MIPOL1: variants seen among roughly 807,000 people sequenced by gnomAD.
The protein encoded by MIPOL1 is mirror-image polydactyly gene 1 protein.
A neutral mutation model predicts 60.9 loss-of-function variants in MIPOL1; 57 were observed. That is an observed-to-expected ratio of 0.94 (90% CI 0.76 to 1.17). The LOEUF is 1.17. Ranked by LOEUF, MIPOL1 falls within the 50% of genes most tolerant of loss-of-function variation. MIPOL1 has a pLI of 0.00. For synonymous variants in MIPOL1, 179 were observed against 168.8 expected, an observed-to-expected ratio of 1.06 and a Z score of -0.47; for missense variants, 551 against 511.6, an observed-to-expected ratio of 1.08 and a Z score of -0.74.
chr14:37,223,286 GC>G (rs773518218), intron 1 of MIPOL1, among the ~76,000 whole-genome samples: 2 of 152,046 alleles, frequency 1.3e-5, no homozygotes, highest in East Asian at 3.9e-4. Context: ...ACCCACCTCG[GC>G]CTCCCAAAGT....
At chr14:37,360,341 A>G (rs1439191417) in intron 9 of MIPOL1, among the ~76,000 whole-genome samples, 1 of 152,108 alleles carries the variant, frequency 6.6e-6, no homozygotes, top group Non-Finnish European at 1.5e-5. Flanking sequence ...CATAAAATGA[A>G]TTAGGGAGGA....
At chr14:37,488,780 G>T (rs1019706048) in intron 11 of MIPOL1, among the ~76,000 whole-genome samples, 28 of 152,054 alleles carry the variant, frequency 1.8e-4, no homozygotes, top group African/African-American at 6.8e-4. Context: ...CTCTCTTCTG[G>T]CTTGTAGGTT....
At chr14:37,509,793 ATC>A (rs550442352) in intron 12 of MIPOL1, among the ~76,000 whole-genome samples, 2,394 of 150,618 alleles carry the variant, frequency 0.016, 65 homozygotes, top group African/African-American at 0.055. Flanking sequence ...ATGTATGTAT[ATC>A]TATCTACTTA....
intron 7 of MIPOL1, among the ~76,000 whole-genome samples, chr14:37,287,707 A>C (rs10147241): frequency 0.99 from 151,189 of 152,334 alleles, 75,038 homozygotes; most frequent in Middle Eastern, 1. Context: ...ATTTTCTAAA[A>C]GCTCTTCTAA....
chr14:37,363,046 G>A (rs1566436800), intron 9 of MIPOL1, among the ~76,000 whole-genome samples: 1 of 152,064 alleles, frequency 6.6e-6, no homozygotes, highest in Admixed American at 6.5e-5. Flanking sequence ...CCTTGCCATG[G>A]GTTAGAACAT....
At chr14:37,510,452 A>T (rs897081682) in intron 12 of MIPOL1, among the ~76,000 whole-genome samples, 42 of 151,996 alleles carry the variant, frequency 2.8e-4, no homozygotes, top group Non-Finnish European at 5.4e-4. Flanking sequence ...GCCAAGGCTG[A>T]TCGCAAACTC....
intron 5 of MIPOL1, 22 bp from the exon 6 acceptor site, chr14:37,270,398 G>C: frequency 1.5e-6 from 2 of 1,319,598 alleles, no homozygotes; most frequent in Non-Finnish European, 2.1e-6. Context: ...AAGAATCCAT[G>C]ATTTTTTTCA....
chr14:37,313,744 G>A (rs1937489778), intron 9 of MIPOL1, among the ~76,000 whole-genome samples: 1 of 152,126 alleles, frequency 6.6e-6, no homozygotes. Context: ...AATTTCATTG[G>A]CATCGACTGA....
chr14:37,230,144 T>C (rs1183182440), intron 1 of MIPOL1, among the ~76,000 whole-genome samples: 1 of 152,198 alleles, frequency 6.6e-6, no homozygotes, highest in Admixed American at 6.5e-5. Flanking sequence ...CAATGTATAT[T>C]TCAAAACAAC....
At chr14:37,389,212 A>G (rs1052747683) in intron 10 of MIPOL1, among the ~76,000 whole-genome samples, 1 of 151,320 alleles carries the variant, frequency 6.6e-6, no homozygotes, top group Non-Finnish European at 1.5e-5. Flanking sequence ...AGAAACACTA[A>G]AAAAGAATGA....
chr14:37,225,567 G>A (rs1969570465), intron 1 of MIPOL1, among the ~76,000 whole-genome samples: 3 of 152,124 alleles, frequency 2.0e-5, no homozygotes, highest in Admixed American at 6.5e-5. Context: ...GGGACACAGG[G>A]CACCAAGTCC....
chr14:37,250,728 C>T (rs369310368), intron 3 of MIPOL1, among the ~76,000 whole-genome samples: 14 of 152,046 alleles, frequency 9.2e-5, no homozygotes, highest in African/African-American at 1.4e-4. Flanking sequence ...TGTTCCTAGT[C>T]GGTTCCTTTG....
At chr14:37,532,357 G>T (rs1366824429) in intron 12 of MIPOL1, among the ~76,000 whole-genome samples, 1 of 152,038 alleles carries the variant, frequency 6.6e-6, no homozygotes, top group African/African-American at 2.4e-5. Context: ...TACTACCAAA[G>T]AATAATCTAG....
chr14:37,380,778 T>G (rs1393420207), intron 10 of MIPOL1, among the ~76,000 whole-genome samples: 1 of 152,162 alleles, frequency 6.6e-6, no homozygotes, highest in African/African-American at 2.4e-5. Flanking sequence ...CATTGCAAGC[T>G]TCCTTACAGG....
In MIPOL1 at chr14:37,334,842, CT is replaced by C. The variant is rs527744367; in HGVS notation, c.828+26327del. On this transcript the variant is annotated intron_variant, in intron 9 of 12. Coordinates refer to ENST00000684589, the MANE Select transcript of MIPOL1 (RefSeq NM_001388067.1). ...ATCCATCTGGCAGTATGTATTAGTACTTTTATTGCAAAATTGATCATTTTTA... is the reference window on the plus strand; with the variant it reads ...ATCCATCTGGCAGTATGTATTAGTACTTTATTGCAAAATTGATCATTTTTA... Among the ~76,000 whole-genome samples the C allele has an allele frequency of 1.7e-3, 254 of 151,896 alleles. 1 individual carries two copies. Among genetic ancestry groups the C allele is most frequent in the African/African-American group, 5.8e-3 (240 of 41,480 alleles).
chr14:37,389,240 CAAAA>C (rs1481465628), intron 10 of MIPOL1, among the ~76,000 whole-genome samples: 2 of 150,840 alleles, frequency 1.3e-5, no homozygotes, highest in Non-Finnish European at 3.0e-5. Context: ...TAAAAAAAAA[CAAAA>C]AACAGATTTT....
intron 3 of MIPOL1, among the ~76,000 whole-genome samples, chr14:37,264,459 C>CT (rs2082725702): frequency 6.8e-6 from 1 of 148,050 alleles, no homozygotes; most frequent in Non-Finnish European, 1.5e-5. Flanking sequence ...GACCCCATCT[C>CT]TGAAAAAAAA....
At chr14:37,423,801 G>A (rs2093916601) in intron 11 of MIPOL1, 3 of 152,082 alleles carry the variant, frequency 2.0e-5, no homozygotes, top group Admixed American at 1.3e-4. Context: ...AAGTTTTACT[G>A]AAGTACAATT....
chr14:37,253,427 A>G (rs1384573634), intron 3 of MIPOL1, among the ~76,000 whole-genome samples: 5 of 151,808 alleles, frequency 3.3e-5, no homozygotes, highest in African/African-American at 1.2e-4. Context: ...CTGAAACAGG[A>G]AATGAATTTA....
Sources: gnomAD v4.1 joint callset for allele counts (sites outside exome capture counted in the v4.1 genomes callset) on GRCh38, gnomAD v4.1.1 for gene constraint, MANE v1.5 for transcripts, NCBI Gene and HGNC (gene_info 2026-07-23, HGNC 2026-07-21) for gene names.